MPHOSPH6: variants seen among roughly 807,000 people sequenced by gnomAD.
MPHOSPH6 encodes the protein M-phase phosphoprotein 6.
In MPHOSPH6, 25 loss-of-function variants were observed where a neutral mutation model predicts 21.8. That is an observed-to-expected ratio of 1.15 (90% CI 0.83 to 1.60). The LOEUF is 1.60. Ranked by LOEUF, MPHOSPH6 falls within the 40% of genes most tolerant of loss-of-function variation. The pLI, the probability that MPHOSPH6 is intolerant of heterozygous loss-of-function variation, is 0.00. For missense variants in MPHOSPH6, 269 were observed against 181.8 expected (o/e 1.48, Z -2.76); for synonymous variants, 84 against 56.5 (o/e 1.49, Z -2.18).
intron 1 of MPHOSPH6, among the ~76,000 whole-genome samples, chr16:82,169,830 C>A (rs1208666838): frequency 6.6e-6 from 1 of 152,178 alleles, no homozygotes; most frequent in Non-Finnish European, 1.5e-5. Context: ...CTCGGTGAGT[C>A]CCCAAGGTCC....
At chr16:82,151,082 G>GA (rs1469234995) in intron 3 of MPHOSPH6, 2 of 166,882 alleles carry the variant, frequency 1.2e-5, no homozygotes, top group Non-Finnish European at 2.6e-5. Context: ...TTTTCCGTTA[G>GA]AAAAAATACA....
At chr16:82,150,468 C>T (rs532884351) in intron 3 of MPHOSPH6, among the ~76,000 whole-genome samples, 16 of 152,064 alleles carry the variant, frequency 1.1e-4, no homozygotes, top group East Asian at 1.9e-4. Context: ...CCTCCCACTC[C>T]GCCAAAAAAG....
chr16:82,158,408 A>T (rs534528497), intron 2 of MPHOSPH6, among the ~76,000 whole-genome samples: 3 of 149,088 alleles, frequency 2.0e-5, no homozygotes, highest in Non-Finnish European at 4.5e-5. Context: ...CTGAGGCAGC[A>T]GAATGGTGTG....
At chr16:82,165,114 C>CTTTTTT (rs1418457856) in intron 1 of MPHOSPH6, among the ~76,000 whole-genome samples, 2,182 of 63,762 alleles carry the variant, frequency 0.034, 599 homozygotes, top group East Asian at 0.06. Flanking sequence ...TCCGATATTT[C>CTTTTTT]TTTTTTATTT....
rs185751420 is a variant in MPHOSPH6, at chr16:82,152,605, G to A, written c.165-1091C>T. ...AGACGGGCAGAAATAACGGTCGCTAGGTGGTTGCACCAGAACCAAAATCAT... is the reference window on the plus strand; with the variant it reads ...AGACGGGCAGAAATAACGGTCGCTAAGTGGTTGCACCAGAACCAAAATCAT... On this transcript the variant is annotated intron_variant, in intron 2 of 4. Coordinates refer to ENST00000258169, the MANE Select transcript of MPHOSPH6 (RefSeq NM_005792.2). Among the ~76,000 whole-genome samples the A allele has an allele frequency of 4.1e-3, 631 of 152,278 alleles. 4 individuals carry two copies. The highest frequency in any genetic ancestry group is 0.01 in the Admixed American group (158 of 15,290).
In MPHOSPH6 at chr16:82,148,487, G is replaced by C. The variant is rs957343939; in HGVS notation, c.*244C>G. 5.3e-5 allele frequency: 21 copies of C among 395,200 alleles called. No homozygotes were observed. In the East Asian group the frequency reaches 8.6e-4, roughly 16 times the overall value. The allele number at this position is 395,200 out of a possible 1,614,324, so 24.5% of individuals were successfully genotyped here. Reference sequence around the variant, plus strand: ...AGGTAAAAAAAATCTTTAGGAAGCAGCCCTGTAACAATGTACATTTGTAGA... The same window carrying C: ...AGGTAAAAAAAATCTTTAGGAAGCACCCCTGTAACAATGTACATTTGTAGA... On this transcript the variant is annotated 3_prime_UTR_variant, in exon 5 of 5. Transcript: ENST00000258169.
intron 2 of MPHOSPH6, among the ~76,000 whole-genome samples, chr16:82,156,910 G>A (rs1342605215): frequency 2.0e-5 from 3 of 151,974 alleles, no homozygotes; most frequent in Admixed American, 1.3e-4. Flanking sequence ...AAAATTAGCC[G>A]GGCATGGTGG....
chr16:82,149,506 G>GTCAAAT, intron 3 of MPHOSPH6, 103 bp from the exon 4 acceptor site: 1 of 947,098 alleles, frequency 1.1e-6, no homozygotes, highest in East Asian at 2.4e-5. Flanking sequence ...AAATAATCTA[G>GTCAAAT]AGAACTAGTC....
chr16:82,162,765 C>T (rs1906647109), intron 2 of MPHOSPH6, among the ~76,000 whole-genome samples: 1 of 152,194 alleles, frequency 6.6e-6, no homozygotes, highest in Non-Finnish European at 1.5e-5. Context: ...CACACCTATA[C>T]ATAAACAGGA....
chr16:82,169,925 C>A (rs989817724), intron 1 of MPHOSPH6, among the ~76,000 whole-genome samples, 200 bp downstream of exon 1: 1 of 152,184 alleles, frequency 6.6e-6, no homozygotes, highest in Non-Finnish European at 1.5e-5. Flanking sequence ...CGCGGGCCTC[C>A]TGAGAGAGTC....
rs1906645399 is a variant in MPHOSPH6, at chr16:82,162,712, C to G, written c.164+1370G>C. Reference sequence around the variant, plus strand: ...CACACCTTGATAGTCTCTCCTCAGTCTGAGAGTGTCATCTTCTCCTGCCAA... The same window carrying G: ...CACACCTTGATAGTCTCTCCTCAGTGTGAGAGTGTCATCTTCTCCTGCCAA... On this transcript the variant is annotated intron_variant, in intron 2 of 4. Coordinates refer to ENST00000258169, the MANE Select transcript of MPHOSPH6 (RefSeq NM_005792.2). Among the ~76,000 whole-genome samples the G allele has an allele frequency of 3.3e-5, 5 of 152,344 alleles. No homozygotes were observed. The South Asian group carries it at 8.3e-4, about 25-fold the overall frequency.
chr16:82,162,612 C>G lies in MPHOSPH6; in HGVS notation c.164+1470G>C, dbSNP rs148170541. Reference sequence around the variant, plus strand: ...CCCACCCACCCGTTGACTCTGCAAGCTCAGGTGGTAATCACTCCCACTACA... The same window carrying G: ...CCCACCCACCCGTTGACTCTGCAAGGTCAGGTGGTAATCACTCCCACTACA... On this transcript the variant is annotated intron_variant, in intron 2 of 4. Transcript: ENST00000258169. 9.9e-3 allele frequency among the ~76,000 whole-genome samples: 1,509 copies of G among 152,300 alleles called. 12 individuals carry two copies. Among genetic ancestry groups the G allele is most frequent in the Middle Eastern group, 0.017 (5 of 294 alleles).
chr16:82,158,247 G>C (rs1906492517), intron 2 of MPHOSPH6, among the ~76,000 whole-genome samples: 1 of 151,926 alleles, frequency 6.6e-6, no homozygotes, highest in South Asian at 2.1e-4. Flanking sequence ...CCAGCAGTTT[G>C]GGAGGCCGAA....
chr16:82,159,903 TC>T (rs1463429559), intron 2 of MPHOSPH6, among the ~76,000 whole-genome samples: 2 of 152,144 alleles, frequency 1.3e-5, no homozygotes, highest in African/African-American at 4.8e-5. Flanking sequence ...AACTTGGGAT[TC>T]CCTCTCAATT....
At chr16:82,158,625 C>T (rs748044010) in intron 2 of MPHOSPH6, among the ~76,000 whole-genome samples, 101 of 151,226 alleles carry the variant, frequency 6.7e-4, no homozygotes, top group Non-Finnish European at 1.1e-3. Flanking sequence ...TATGGTTTTG[C>T]GGGTTTGGGT....
chr16:82,162,000 T>C (rs951845506), intron 2 of MPHOSPH6, among the ~76,000 whole-genome samples: 4 of 152,188 alleles, frequency 2.6e-5, no homozygotes, highest in Non-Finnish European at 4.4e-5. Flanking sequence ...CAAAAAAGGA[T>C]ACACAAACAT....
chr16:82,156,129 T>C (rs73591440), intron 2 of MPHOSPH6, among the ~76,000 whole-genome samples: 10,734 of 151,762 alleles, frequency 0.071, 707 homozygotes, highest in African/African-American at 0.17. Context: ...AAAGAAAAAA[T>C]TGATAAAATA....
At chr16:82,165,917 A>C (rs907477859) in intron 1 of MPHOSPH6, among the ~76,000 whole-genome samples, 4 of 152,216 alleles carry the variant, frequency 2.6e-5, no homozygotes, top group Non-Finnish European at 5.9e-5. Context: ...TCAAGTGCTG[A>C]AGAGAATGTG....
intron 2 of MPHOSPH6, among the ~76,000 whole-genome samples, chr16:82,154,549 G>C (rs1348238961): frequency 2.6e-5 from 4 of 151,786 alleles, no homozygotes; most frequent in African/African-American, 7.3e-5. Flanking sequence ...ATTTATTCAA[G>C]GATTTAAACG....
Sources: gnomAD v4.1 joint callset for allele counts (sites outside exome capture counted in the v4.1 genomes callset) on GRCh38, gnomAD v4.1.1 for gene constraint, MANE v1.5 for transcripts, NCBI Gene and HGNC (gene_info 2026-07-23, HGNC 2026-07-21) for gene names.